NCOA3: variants seen among roughly 807,000 people sequenced by gnomAD.
The protein encoded by NCOA3 is nuclear receptor coactivator 3.
In NCOA3, 51 loss-of-function variants were observed where a neutral mutation model predicts 158.8. The ratio of observed to expected loss-of-function variants is 0.32; its 90% CI spans 0.26 to 0.41. The LOEUF is 0.41. NCOA3 is among the 10% of genes least tolerant of loss of function. The pLI is 1.00. For missense variants in NCOA3, 1,510 were observed against 1,746.6 expected, an observed-to-expected ratio of 0.86 and a Z score of 2.41; for synonymous variants, 537 against 592.4, an observed-to-expected ratio of 0.91 and a Z score of 1.36.
chr20:47,636,043 A>G lies in NCOA3; in HGVS notation c.1657A>G (p.Asn553Asp). The G allele has an allele frequency of 1.2e-6, 2 of 1,614,154 alleles. No individual in the cohort carries two copies. The highest frequency in any genetic ancestry group is 1.7e-6 in the Non-Finnish European group (2 of 1,180,018). The stretch of plus-strand genomic sequence containing the variant: ...AGGCCCCAAATTGGATAACTCTCCC[A>G]ATATGAATATTACCCAACCAAGTAA... ...SPGPKLDNSP[N>D]MNITQPSKVS... Residue 553 changes from asparagine (N) to aspartate (D), a missense_variant, in exon 12 of 23, where the codon AAT (asparagine) becomes GAT (aspartate). By Grantham distance (23) the Asn-to-Asp change is conservative (BLOSUM62 1). Transcript: ENST00000371998.
At chr20:47,638,822 G>T (rs2086557920) in intron 13 of NCOA3, among the ~76,000 whole-genome samples, 186 bp from the exon 14 acceptor site, 1 of 149,560 alleles carries the variant, frequency 6.7e-6, no homozygotes, top group African/African-American at 2.5e-5. Flanking sequence ...TTTTTTGGCT[G>T]GCAGGGGGGC....
chr20:47,578,536 C>A (rs2146213536), intron 1 of NCOA3, among the ~76,000 whole-genome samples: 2 of 152,290 alleles, frequency 1.3e-5, no homozygotes, highest in South Asian at 4.1e-4. Context: ...TGCATTTGGT[C>A]TTCTCCTTTC....
chr20:47,581,570 C>T (rs2085452871), intron 1 of NCOA3, among the ~76,000 whole-genome samples: 1 of 152,164 alleles, frequency 6.6e-6, no homozygotes, highest in African/African-American at 2.4e-5. Flanking sequence ...TTTCCTTTCC[C>T]CCATACCAAC....
chr20:47,572,773 GT>G (rs1418395804), intron 1 of NCOA3, among the ~76,000 whole-genome samples: 4 of 152,092 alleles, frequency 2.6e-5, no homozygotes, highest in Non-Finnish European at 5.9e-5. Flanking sequence ...CTGACTTCAA[GT>G]CATCTGCCCG....
intron 2 of NCOA3, among the ~76,000 whole-genome samples, chr20:47,599,269 G>C (rs557349540): frequency 6.6e-6 from 1 of 152,248 alleles, no homozygotes; most frequent in African/African-American, 2.4e-5. Flanking sequence ...TAGATATTGT[G>C]TGATGCCATT....
At chr20:47,552,507 T>C (rs1037782541) in intron 1 of NCOA3, among the ~76,000 whole-genome samples, 1 of 152,210 alleles carries the variant, frequency 6.6e-6, no homozygotes, top group South Asian at 2.1e-4. Flanking sequence ...GAAGCCCTTG[T>C]CCATATAAGA....
intron 1 of NCOA3, among the ~76,000 whole-genome samples, chr20:47,569,761 A>G (rs1202288355): frequency 1.3e-5 from 2 of 152,184 alleles, no homozygotes; most frequent in Non-Finnish European, 2.9e-5. Flanking sequence ...CTGTAATCTC[A>G]GCACTTTGGG....
chr20:47,547,945 G>A (rs1195483061), intron 1 of NCOA3, among the ~76,000 whole-genome samples: 2 of 148,524 alleles, frequency 1.3e-5, no homozygotes, highest in Non-Finnish European at 3.0e-5. Flanking sequence ...TGGCCAGGCT[G>A]GTCTTGAACT....
intron 2 of NCOA3, among the ~76,000 whole-genome samples, chr20:47,606,970 G>A (rs573791254): frequency 1.3e-5 from 2 of 152,268 alleles, no homozygotes; most frequent in East Asian, 3.9e-4. Flanking sequence ...ATTAATGAAT[G>A]TGGGTTAAAA....
chr20:47,502,584 G>C (rs756647470), intron 1 of NCOA3, among the ~76,000 whole-genome samples: 16 of 151,946 alleles, frequency 1.1e-4, no homozygotes, highest in Non-Finnish European at 2.1e-4. Flanking sequence ...TGTTGGGCTC[G>C]GGTAGCTTCT....
chr20:47,520,959 GAAC>G (rs1409358269), intron 1 of NCOA3, among the ~76,000 whole-genome samples: 2 of 152,200 alleles, frequency 1.3e-5, no homozygotes, highest in African/African-American at 4.8e-5. Context: ...TCATCTACAC[GAAC>G]AACACCGCAA....
chr20:47,522,762 G>C (rs1472519832), intron 1 of NCOA3, among the ~76,000 whole-genome samples: 1 of 152,068 alleles, frequency 6.6e-6, no homozygotes, highest in Non-Finnish European at 1.5e-5. Context: ...TGTGGGGAAA[G>C]GGCAAGAAGG....
chr20:47,612,922 T>G (rs2146281327), intron 2 of NCOA3, among the ~76,000 whole-genome samples: 1 of 152,316 alleles, frequency 6.6e-6, no homozygotes, highest in South Asian at 2.1e-4. Context: ...AGTTTCCAGT[T>G]GCAACTAACA....
In NCOA3 at chr20:47,627,118, C is replaced by T. The variant is rs755500858; in HGVS notation, c.474C>T (p.Tyr158=). The change falls in exon 6 of 23, where the codon TAC becomes TAT. Residue 158 remains tyrosine (Y), a synonymous_variant. Coordinates refer to ENST00000371998, the MANE Select transcript of NCOA3 (RefSeq NM_181659.3). The part of the protein sequence containing the change: ...KQEDLVNTSV[Y]NILHEEDRKD... ...AGGACCTGGTTAACACAAGTGTTTA[C>T]AATATCTTACATGAAGAAGACAGAA... 2 of 1,612,448 alleles carry T rather than the reference C, an allele frequency of 1.2e-6. No homozygotes were observed. The highest frequency in any genetic ancestry group is 8.5e-7 in the Non-Finnish European group (1 of 1,178,908).
chr20:47,628,436 G>C (rs1458680049), intron 8 of NCOA3: 3 of 158,012 alleles, frequency 1.9e-5, no homozygotes. Context: ...TGTTGAGACG[G>C]AGTCTTGCTC....
chr20:47,536,619 T>C (rs978476184), intron 1 of NCOA3, among the ~76,000 whole-genome samples: 2 of 152,200 alleles, frequency 1.3e-5, no homozygotes, highest in Non-Finnish European at 2.9e-5. Flanking sequence ...TTTGCCTCTT[T>C]ATTAAGTGAT....
Position 47,501,963 on chromosome 20 carries a change from GGCTGAGCGGCGAGTTTCCGATTTAAA to G in NCOA3, c.-147_-122del, listed in dbSNP as rs1359167085. 1.2e-5 allele frequency: 5 copies of G among 400,140 alleles called. No homozygotes were observed. The highest frequency in any genetic ancestry group is 1.3e-4 in the South Asian group (1 of 7,942). 24.8% of individuals were successfully genotyped at this position (400,140 alleles called of 1,614,324 possible). The stretch of plus-strand genomic sequence containing the variant: ...TCGGTGGCGGCCGGCGGCGGCTGCG[GGCTGAGCGGCGAGTTTCCGATTTAAA>G]GCTGAGCTGCGAGGAAAATGGCGGC... On this transcript the variant is annotated 5_prime_UTR_variant, in exon 1 of 23. Transcript: ENST00000371998.
chr20:47,521,248 A>G (rs1458335658), intron 1 of NCOA3, among the ~76,000 whole-genome samples: 1 of 152,240 alleles, frequency 6.6e-6, no homozygotes, highest in Non-Finnish European at 1.5e-5. Context: ...AGAGAGAACC[A>G]GAGACCGCCC....
rs745560822 is a variant in NCOA3, at chr20:47,635,494, A to C, written c.1285A>C (p.Ser429Arg). ...AGACCCTAGCACCACAGGGCAGATG[A>C]GTGGAGCTAGGTATGGGGGTTCCAG... ...LADPSTTGQMSGARYGGSSNI... is the reference protein window; with the variant it reads ...LADPSTTGQMRGARYGGSSNI... Residue 429 changes from serine (S) to arginine (R), a missense_variant, in exon 11 of 23, where the codon AGT becomes CGT. Coordinates refer to ENST00000371998, the MANE Select transcript of NCOA3 (RefSeq NM_181659.3). 2.0e-5 allele frequency: 32 copies of C among 1,613,922 alleles called. No individual in the cohort carries two copies. In the East Asian group the frequency reaches 7.1e-4, roughly 36 times the overall value.
Sources: gnomAD v4.1 joint callset for allele counts (sites outside exome capture counted in the v4.1 genomes callset) on GRCh38, gnomAD v4.1.1 for gene constraint, MANE v1.5 for transcripts, NCBI Gene and HGNC (gene_info 2026-07-23, HGNC 2026-07-21) for gene names.